Variants in FCRL5 observed in about 807,000 individuals in gnomAD.
The protein encoded by FCRL5 is Fc receptor-like protein 5.
Under a neutral mutation model 92.1 loss-of-function variants are expected in FCRL5, and 79 were observed. That is an observed-to-expected ratio of 0.86 (90% CI 0.72 to 1.03). The LOEUF is 1.03. Ranked by LOEUF, FCRL5 falls within the 50% of genes least tolerant of loss-of-function variation. The probability of loss-of-function intolerance (pLI) is 0.00; values close to 1 mark genes in which losing one functional copy is unlikely to be tolerated. For missense variants in FCRL5, 1,160 were observed against 1,181.1 expected (o/e 0.98, Z 0.26); for synonymous variants, 466 against 469.3 (o/e 0.99, Z 0.09).
chr1:157,515,579 G>A lies in FCRL5; in HGVS notation c.*96C>T, dbSNP rs551416880. On this transcript the variant is annotated 3_prime_UTR_variant, in exon 17 of 17. Coordinates refer to ENST00000361835, the MANE Select transcript of FCRL5 (RefSeq NM_031281.3). ...AAACAAAGGCCAGTAGATATGGTCTGGGGCAGCCTAAATCTTCCCACTTCA... is the reference window on the plus strand; with the variant it reads ...AAACAAAGGCCAGTAGATATGGTCTAGGGCAGCCTAAATCTTCCCACTTCA... The A allele has an allele frequency of 1.8e-5, 29 of 1,612,446 alleles. No homozygotes were observed. The African/African-American group carries it at 2.4e-4, about 13-fold the overall frequency.
rs1215438071 is a variant in FCRL5, at chr1:157,542,924, T to G, written c.1058A>C (p.Tyr353Ser). ...FSLTTENSGN[Y>S]YCTADNGLGA... ...AAGGCCATTGTCAGCTGTGCAGTAG[T>G]AGTTCCCTGAATTCTCTGTAGTCAG... The change falls in exon 6 of 17, where the codon TAC (tyrosine) becomes TCC (serine). Residue 353 changes from tyrosine to serine, a missense_variant. Coordinates refer to ENST00000361835, the MANE Select transcript of FCRL5 (RefSeq NM_031281.3). The G allele has an allele frequency of 6.2e-7, 1 of 1,614,070 alleles. No homozygotes were observed. The highest frequency in any genetic ancestry group is 8.5e-7 in the Non-Finnish European group (1 of 1,180,042).
chr1:157,543,010 C>A lies in FCRL5; in HGVS notation c.972G>T (p.Glu324Asp). 2 of 1,614,204 alleles carry A rather than the reference C, an allele frequency of 1.2e-6. No homozygotes were observed. Among genetic ancestry groups the A allele is most frequent in the Non-Finnish European group, 1.7e-6 (2 of 1,180,040 alleles). Residue 324 changes from glutamate (E) to aspartate (D), a missense_variant, in exon 6 of 17, where the codon GAG (glutamate) becomes GAT (aspartate). Physicochemically the swap from Glu to Asp is conservative, Grantham distance 45. Coordinates refer to ENST00000361835, the MANE Select transcript of FCRL5 (RefSeq NM_031281.3). ...SLRTLYRFYH[E>D]GVPLRHKSVR... ...CTGACTTGTGCCTCAGGGGGACACC[C>A]TCATGATAAAACCTGTACAAAGTGC...
In FCRL5 at chr1:157,524,543, G is replaced by A. The variant is rs751538756; in HGVS notation, c.1975C>T (p.Pro659Ser). 16 of 1,598,546 alleles carry A rather than the reference G, an allele frequency of 1.0e-5. No homozygotes were observed. The South Asian group carries it at 1.4e-4, about 14-fold the overall frequency. ...CTGGGAGCCCTGAAGGTGAGGATGGGACGAGATACTGGAACTGAGGGAGGA... is the reference window on the plus strand; with the variant it reads ...CTGGGAGCCCTGAAGGTGAGGATGGAACGAGATACTGGAACTGAGGGAGGA... ...SLSVIVPVSRPILTFRAPRAQ... is the reference protein window; with the variant it reads ...SLSVIVPVSRSILTFRAPRAQ... Residue 659 changes from proline to serine, a missense_variant, in exon 10 of 17, where the codon CCC (proline) becomes TCC (serine). Physicochemically the swap from Pro to Ser is moderately conservative, Grantham distance 74 (BLOSUM62 -1). Coordinates refer to ENST00000361835, the MANE Select transcript of FCRL5 (RefSeq NM_031281.3).
chr1:157,541,038 A>G (rs1237623324), intron 6 of FCRL5, among the ~76,000 whole-genome samples: 1 of 152,242 alleles, frequency 6.6e-6, no homozygotes, highest in Non-Finnish European at 1.5e-5. Flanking sequence ...GTCTTCTGCC[A>G]AAGAGTACTT....
rs148736343 is a variant in FCRL5 at position 157,534,270 on chromosome 1, T to G, written c.1681+344A>C. 6.5e-4 allele frequency: 442 copies of G among 678,920 alleles called. 2 individuals carry two copies. The African/African-American group carries it at 6.9e-3, about 11-fold the overall frequency. The allele number at this position is 678,920 out of a possible 1,614,324, so 42.1% of individuals were successfully genotyped here. A position where few individuals can be genotyped will look rare whatever the true frequency, so the allele number is the denominator to read the frequency against. ...CTTGACCAATATTTATCTATAAGACTGTGCTTGTAGCTAAGTTAATATGTA... is the reference window on the plus strand; with the variant it reads ...CTTGACCAATATTTATCTATAAGACGGTGCTTGTAGCTAAGTTAATATGTA... On this transcript the variant is annotated intron_variant, in intron 8 of 16. Coordinates refer to ENST00000361835, the MANE Select transcript of FCRL5 (RefSeq NM_031281.3).
intron 7 of FCRL5, among the ~76,000 whole-genome samples, chr1:157,537,689 C>T (rs530470870): frequency 5.9e-4 from 90 of 152,242 alleles, no homozygotes; most frequent in African/African-American, 2.1e-3. Context: ...ATGGAACCTG[C>T]CGACATGTGA....
At chr1:157,538,921 C>T (rs528494601) in intron 7 of FCRL5, among the ~76,000 whole-genome samples, 165 bp downstream of exon 7, 1 of 152,264 alleles carries the variant, frequency 6.6e-6, no homozygotes, top group South Asian at 2.1e-4. Context: ...GGATGAGGCT[C>T]AAGGGGCAGA....
At chr1:157,533,625 T>C (rs1160985376) in intron 8 of FCRL5, 2 of 152,234 alleles carry the variant, frequency 1.3e-5, no homozygotes, top group Non-Finnish European at 2.9e-5. Flanking sequence ...CCAAGATGGA[T>C]GCAGTTCTGT....
At chr1:157,526,191 T>C (rs1571082949) in intron 9 of FCRL5, among the ~76,000 whole-genome samples, 1 of 149,784 alleles carries the variant, frequency 6.7e-6, no homozygotes, top group Non-Finnish European at 1.5e-5. Context: ...GAAGGGAGGG[T>C]TTCAAGAAGG....
intron 15 of FCRL5, among the ~76,000 whole-genome samples, chr1:157,518,077 G>A (rs1650007571): frequency 6.6e-6 from 1 of 152,176 alleles, no homozygotes; most frequent in South Asian, 2.1e-4. Context: ...AGTTCTTTAA[G>A]TCACCTAGTT....
chr1:157,544,547 C>A lies in FCRL5; in HGVS notation c.560-1G>T. ...CTCAGCACTGGACGTGTAAATGGCT[C>A]TAGAGAGAAGAATCACAACAGTCCC... is the stretch of plus-strand genomic sequence containing the variant. On this transcript the variant is annotated splice_acceptor_variant, in intron 4 of 16. Coordinates refer to ENST00000361835, the MANE Select transcript of FCRL5 (RefSeq NM_031281.3). LOFTEE classifies it high-confidence loss of function. 1 of 1,612,816 alleles carries A rather than the reference C, an allele frequency of 6.2e-7. No homozygotes were observed. The highest frequency in any genetic ancestry group is 8.5e-7 in the Non-Finnish European group (1 of 1,179,230).
chr1:157,527,979 G>C lies in FCRL5; in HGVS notation c.1682-84C>G, dbSNP rs1650514542. On this transcript the variant is annotated intron_variant, in intron 8 of 16. Transcript: ENST00000361835. ...TCCTAGCCAGAACAATCAGACAAGAGAAAGAAATAAAGGACATCCAAATTG... is the reference window on the plus strand; with the variant it reads ...TCCTAGCCAGAACAATCAGACAAGACAAAGAAATAAAGGACATCCAAATTG... The C allele has an allele frequency of 2.8e-6, 4 of 1,411,292 alleles. No homozygotes were observed. In the South Asian group the frequency reaches 6.8e-5, roughly 24 times the overall value. 87.4% of individuals were successfully genotyped at this position (1,411,292 alleles called of 1,614,324 possible).
intron 10 of FCRL5, 113 bp downstream of exon 10, chr1:157,524,166 G>A: frequency 8.9e-7 from 1 of 1,120,060 alleles, no homozygotes; most frequent in Non-Finnish European, 1.3e-6. Context: ...AAGTGTGCTG[G>A]GATGCCACAC....
In FCRL5 at chr1:157,519,671, A is replaced by G. The variant is rs1044017379; in HGVS notation, c.2660+72T>C. 2.0e-6 allele frequency: 3 copies of G among 1,518,868 alleles called. No homozygotes were observed. In the South Asian group the frequency reaches 3.4e-5, roughly 17 times the overall value. 94.1% of individuals were successfully genotyped at this position (1,518,868 alleles called of 1,614,324 possible). A position where few individuals can be genotyped will look rare whatever the true frequency, so the allele number is the denominator to read the frequency against. ...GGCAGAAACTGTGCTCTTGGTAATCATCAGATTCAATTCCATTTTTCCACC... is the reference window on the plus strand; with the variant it reads ...GGCAGAAACTGTGCTCTTGGTAATCGTCAGATTCAATTCCATTTTTCCACC... On this transcript the variant is annotated intron_variant, in intron 13 of 16. Transcript: ENST00000361835.
intron 7 of FCRL5, among the ~76,000 whole-genome samples, chr1:157,536,077 C>T (rs974415416): frequency 7.9e-5 from 12 of 151,504 alleles, no homozygotes; most frequent in Admixed American, 2.6e-4. Flanking sequence ...GAGTAGCTGG[C>T]GTTACAGGCG....
intron 10 of FCRL5, chr1:157,521,516 A>T (rs1466305471): frequency 2.1e-6 from 1 of 479,070 alleles, no homozygotes; most frequent in African/African-American, 2.0e-5. Context: ...CTTCAAATAG[A>T]CAATAAATAT....
Position 157,515,271 on chromosome 1 carries a change from G to A in FCRL5, c.*404C>T, listed in dbSNP as rs984305277. On this transcript the variant is annotated 3_prime_UTR_variant, in exon 17 of 17. Coordinates refer to ENST00000361835, the MANE Select transcript of FCRL5 (RefSeq NM_031281.3). Reference sequence around the variant, plus strand: ...CCACCCAAAGCAGGAACTCTGTGTCGGAGTTTAGGAGCACCTGAGCTGTTA... The same window carrying A: ...CCACCCAAAGCAGGAACTCTGTGTCAGAGTTTAGGAGCACCTGAGCTGTTA... The A allele has an allele frequency of 5.7e-5, 16 of 280,496 alleles. No homozygotes were observed. The highest frequency in any genetic ancestry group is 8.8e-5 in the South Asian group (2 of 22,682). 17.4% of individuals were successfully genotyped at this position (280,496 alleles called of 1,614,324 possible).
chr1:157,542,362 A>G (rs555513949), intron 6 of FCRL5: 1 of 154,718 alleles, frequency 6.5e-6, no homozygotes, highest in South Asian at 2.0e-4. Context: ...CCTACTGCCC[A>G]TCAACTCTAA....
intron 8 of FCRL5, chr1:157,534,205 A>G (rs1229012614): frequency 2.0e-6 from 1 of 501,302 alleles, no homozygotes; most frequent in Non-Finnish European, 3.7e-6. Flanking sequence ...CTTTCTCCAA[A>G]TCTACCATAA....
Sources: gnomAD v4.1 joint callset for allele counts (sites outside exome capture counted in the v4.1 genomes callset) on GRCh38, gnomAD v4.1.1 for gene constraint, MANE v1.5 for transcripts, NCBI Gene and HGNC (gene_info 2026-07-23, HGNC 2026-07-21) for gene names.